The following DNAAF9 variants were observed in gnomAD, a reference collection of about 807,000 sequenced individuals.
DNAAF9 encodes shulin.
A neutral mutation model predicts 167.0 loss-of-function variants in DNAAF9; 90 were observed. The observed-to-expected ratio is 0.54, with a 90% confidence interval of 0.45 to 0.64. The LOEUF (loss-of-function observed/expected upper bound fraction) is 0.64, where lower values mean the gene tolerates loss of function less well. Ranked by LOEUF, DNAAF9 falls within the 30% of genes least tolerant of loss-of-function variation. The pLI is 0.00. For synonymous variants in DNAAF9, 491 were observed against 508.8 expected, an observed-to-expected ratio of 0.96 and a Z score of 0.47; for missense variants, 1,315 against 1,442.2, an observed-to-expected ratio of 0.91 and a Z score of 1.43.
At chr20:3,399,255 G>C (rs558630234) in intron 1 of DNAAF9, among the ~76,000 whole-genome samples, 1 of 152,084 alleles carries the variant, frequency 6.6e-6, no homozygotes, top group African/African-American at 2.4e-5. Context: ...GTCTCACTCT[G>C]TCACCCAGGC....
intron 1 of DNAAF9, among the ~76,000 whole-genome samples, chr20:3,404,149 G>A (rs1247277967): frequency 6.6e-6 from 1 of 152,054 alleles, no homozygotes; most frequent in Non-Finnish European, 1.5e-5. Flanking sequence ...CCTGCCTCAG[G>A]CTCCCGAGTA....
chr20:3,392,908 T>C (rs2083845980), intron 1 of DNAAF9, among the ~76,000 whole-genome samples: 1 of 152,230 alleles, frequency 6.6e-6, no homozygotes, highest in Non-Finnish European at 1.5e-5. Flanking sequence ...CTGATTCATC[T>C]CATCATAGAA....
rs1236708156 is a variant in DNAAF9 at position 3,315,199 on chromosome 20, C to T, written c.1591-79G>A. The T allele has an allele frequency of 4.4e-6, 4 of 903,840 alleles. No individual in the cohort carries two copies. The highest frequency in any genetic ancestry group is 2.7e-5 in the South Asian group (2 of 74,944). 56.0% of individuals were successfully genotyped at this position (903,840 alleles called of 1,614,324 possible). A position where few individuals can be genotyped will look rare whatever the true frequency, so the allele number is the denominator to read the frequency against. ...CATAAATATTCACAGAATCAAAAGT[C>T]CTGCCCAATTATGTCCGTCTACAAA... On this transcript the variant is annotated intron_variant, in intron 19 of 36. Coordinates refer to ENST00000252032, the MANE Select transcript of DNAAF9 (RefSeq NM_001009984.3). The surrounding 1 kb of genome is among the most constrained non-coding windows in gnomAD (Gnocchi z 4.1).
In DNAAF9 at chr20:3,283,642, G is replaced by A. The variant is rs548478595; in HGVS notation, c.2487-1876C>T. Among the ~76,000 whole-genome samples the A allele has an allele frequency of 5.4e-4, 82 of 152,342 alleles. 1 individual carries two copies. In the South Asian group the frequency reaches 0.012, roughly 23 times the overall value. ...AGCACGCCTGGTAAGCAGGGCTGGC[G>A]TGTGCATGCTGTTCTGCATCCCTCT... On this transcript the variant is annotated intron_variant, in intron 27 of 36. Transcript: ENST00000252032.
intron 7 of DNAAF9, among the ~76,000 whole-genome samples, chr20:3,358,655 T>G (rs901576356): frequency 1.3e-5 from 2 of 152,184 alleles, no homozygotes; most frequent in African/African-American, 4.8e-5. Context: ...AACTGTATCT[T>G]TTCCTTATTA....
chr20:3,352,343 C>T (rs2070341704), intron 7 of DNAAF9, among the ~76,000 whole-genome samples: 1 of 152,118 alleles, frequency 6.6e-6, no homozygotes, highest in Non-Finnish European at 1.5e-5. Context: ...CCAATCAGTG[C>T]CCCTGTATCC....
In DNAAF9 at chr20:3,375,277, T is replaced by C. The variant is rs900890401; in HGVS notation, c.409-151A>G. 10 of 597,854 alleles carry C rather than the reference T, an allele frequency of 1.7e-5. No individual in the cohort carries two copies. In the South Asian group the frequency reaches 1.7e-4, roughly 10 times the overall value. 37.0% of individuals were successfully genotyped at this position (597,854 alleles called of 1,614,324 possible). ...GTGTTTCCAAAGCCAACCTTTTTCA[T>C]TTGCTAGTCAGAAAGACTTGTTATG... On this transcript the variant is annotated intron_variant, in intron 4 of 36. Transcript: ENST00000252032.
chr20:3,289,682 G>A (rs543272341), intron 26 of DNAAF9, among the ~76,000 whole-genome samples: 14 of 152,014 alleles, frequency 9.2e-5, no homozygotes, highest in Admixed American at 5.9e-4. Flanking sequence ...ACCACGTTCG[G>A]CTAATTTTTG....
At position 3,332,620 on chromosome 20, in the gene DNAAF9, A is replaced by ATT. The variant is rs59726740; in HGVS notation, c.982-261_982-260dup. Among the ~76,000 whole-genome samples, 455 of 141,476 alleles carry ATT rather than the reference A, an allele frequency of 3.2e-3. 2 individuals carry two copies. The highest frequency in any genetic ancestry group is 0.011 in the African/African-American group (429 of 38,554). 92.8% of individuals were successfully genotyped at this position (141,476 alleles called of 152,430 possible). A position where few individuals can be genotyped will look rare whatever the true frequency, so the allele number is the denominator to read the frequency against. On this transcript the variant is annotated intron_variant, in intron 10 of 36. Transcript: ENST00000252032. The stretch of plus-strand genomic sequence containing the variant: ...AGGCACATGCCATCACACCCAGCTA[A>ATT]TTTTTTTTTTTTTTTGTATTTTTAG...
chr20:3,293,362 G>A (rs1312186386), intron 25 of DNAAF9, among the ~76,000 whole-genome samples: 1 of 141,670 alleles, frequency 7.1e-6, no homozygotes, highest in Non-Finnish European at 1.5e-5. Flanking sequence ...GGGTCAAGAA[G>A]ACGAAGTGTG....
At chr20:3,344,877 C>G (rs1183342576) in intron 8 of DNAAF9, among the ~76,000 whole-genome samples, 1 of 151,980 alleles carries the variant, frequency 6.6e-6, no homozygotes, top group Non-Finnish European at 1.5e-5. Flanking sequence ...AAAATGGGAC[C>G]TCATTGTTTG....
chr20:3,362,604 T>C lies in DNAAF9; in HGVS notation c.613-3011A>G, dbSNP rs75374557. 4.1e-3 allele frequency among the ~76,000 whole-genome samples: 620 copies of C among 152,304 alleles called. 8 individuals carry two copies. The highest frequency in any genetic ancestry group is 0.014 in the African/African-American group (592 of 41,558). On this transcript the variant is annotated intron_variant, in intron 6 of 36. Coordinates refer to ENST00000252032, the MANE Select transcript of DNAAF9 (RefSeq NM_001009984.3). Reference sequence around the variant, plus strand: ...TTTTGGGCTTGACATTTCTTTGTTCTGTGGGGTTGCCCTGTGCATTGTAGG... The same window carrying C: ...TTTTGGGCTTGACATTTCTTTGTTCCGTGGGGTTGCCCTGTGCATTGTAGG...
intron 7 of DNAAF9, among the ~76,000 whole-genome samples, 162 bp from the exon 8 acceptor site, chr20:3,348,785 G>A (rs1323644295): frequency 6.6e-6 from 1 of 152,130 alleles, no homozygotes; most frequent in Non-Finnish European, 1.5e-5. Context: ...TCCTATGGAT[G>A]AATCTCAAAA....
At chr20:3,318,486 TA>T in intron 16 of DNAAF9, 86 bp from the exon 17 acceptor site, 1 of 707,722 alleles carries the variant, frequency 1.4e-6, no homozygotes, top group Admixed American at 2.2e-5. Flanking sequence ...AAATACTGCC[TA>T]AAGGAACATG....
intron 1 of DNAAF9, among the ~76,000 whole-genome samples, chr20:3,388,067 CAA>C (rs901916873): frequency 1.7e-4 from 18 of 104,860 alleles, no homozygotes; most frequent in Non-Finnish European, 2.6e-4. Flanking sequence ...GACTCTGTCT[CAA>C]AAAAAAAAAA....
chr20:3,320,288 G>C (rs1262615790), intron 16 of DNAAF9, among the ~76,000 whole-genome samples: 4 of 152,198 alleles, frequency 2.6e-5, no homozygotes, highest in Non-Finnish European at 5.9e-5. Context: ...AACTGCAACT[G>C]CAAGGACTAT....
chr20:3,336,708 C>G lies in DNAAF9; in HGVS notation c.981+3796G>C, dbSNP rs778019806. Among the ~76,000 whole-genome samples, 85 of 152,086 alleles carry G rather than the reference C, an allele frequency of 5.6e-4. 1 individual carries two copies. Among genetic ancestry groups the G allele is most frequent in the Non-Finnish European group, 1.2e-3 (81 of 67,990 alleles). On this transcript the variant is annotated intron_variant, in intron 10 of 36. Coordinates refer to ENST00000252032, the MANE Select transcript of DNAAF9 (RefSeq NM_001009984.3). ...GGGATTTTACAAGCGCCTGCCACCA[C>G]GCCTGGCTAATTTTTCTATTTTTAG...
chr20:3,386,034 T>C (rs2083730933), intron 1 of DNAAF9, among the ~76,000 whole-genome samples: 1 of 152,146 alleles, frequency 6.6e-6, no homozygotes, highest in Non-Finnish European at 1.5e-5. Flanking sequence ...CAGGTCTTAG[T>C]CTCAGCTACT....
intron 20 of DNAAF9, among the ~76,000 whole-genome samples, chr20:3,312,943 TA>T (rs1326358176): frequency 6.6e-6 from 1 of 152,214 alleles, no homozygotes; most frequent in Non-Finnish European, 1.5e-5. Context: ...AGACTATGAC[TA>T]ATAAGCCTCC....
Sources: gnomAD v4.1 joint callset for allele counts (sites outside exome capture counted in the v4.1 genomes callset) on GRCh38, gnomAD v4.1.1 for gene constraint, Gnocchi (gnomAD v3.1) non-coding constraint, MANE v1.5 for transcripts, NCBI Gene and HGNC (gene_info 2026-07-23, HGNC 2026-07-21) for gene names.